SH2B2: variants seen among roughly 807,000 people sequenced by gnomAD.
SH2B2 encodes SH2B adaptor protein 2.
SH2B2 carries 37 observed loss-of-function variants against 35.7 expected under a neutral mutation model. That is an observed-to-expected ratio of 1.04 (90% CI 0.80 to 1.36). SH2B2 has a LOEUF of 1.36. Ranked by LOEUF, SH2B2 falls within the 40% of genes most tolerant of loss-of-function variation. The pLI is 0.00. For missense variants in SH2B2, 852 were observed against 817.7 expected (o/e 1.04, Z -0.51); for synonymous variants, 383 against 376.4 (o/e 1.02, Z -0.20).
intron 1 of SH2B2, among the ~76,000 whole-genome samples, chr7:102,300,236 A>G (rs149813884): frequency 0.027 from 4,067 of 152,246 alleles, 127 homozygotes; most frequent in African/African-American, 0.073. Flanking sequence ...CACCATGTTG[A>G]CCAGGCTGAT....
intron 7 of SH2B2, 145 bp downstream of exon 7, chr7:102,317,540 A>C: frequency 1.4e-6 from 1 of 710,418 alleles, no homozygotes; most frequent in Non-Finnish European, 2.2e-6. Flanking sequence ...CACTCACCCC[A>C]GCCATGCTCC....
intron 7 of SH2B2, among the ~76,000 whole-genome samples, chr7:102,318,157 T>G (rs1554557486): frequency 6.6e-6 from 1 of 152,144 alleles, no homozygotes; most frequent in East Asian, 1.9e-4. Flanking sequence ...TTGTTTTTTT[T>G]TGAGACAGTC....
chr7:102,298,194 A>G (rs782171151), intron 1 of SH2B2, among the ~76,000 whole-genome samples: 10 of 152,174 alleles, frequency 6.6e-5, no homozygotes, highest in East Asian at 1.9e-4. Context: ...TCTGACTGTA[A>G]TACGAACCAC....
At chr7:102,286,002 A>T (rs868969745), upstream of SH2B2, among the ~76,000 whole-genome samples, 17 of 152,194 alleles carry the variant, frequency 1.1e-4, no homozygotes, top group Middle Eastern at 0.01. Context: ...CCTCAGCACC[A>T]GGGGTCAGGC....
intron 6 of SH2B2, among the ~76,000 whole-genome samples, chr7:102,315,238 C>G (rs1554556750): frequency 6.6e-6 from 1 of 152,006 alleles, no homozygotes; most frequent in African/African-American, 2.4e-5. Flanking sequence ...GGTGCAGTGT[C>G]TCACACCTGT....
intron 7 of SH2B2, among the ~76,000 whole-genome samples, chr7:102,318,790 C>T (rs1197457053): frequency 2.0e-5 from 3 of 152,208 alleles, no homozygotes; most frequent in African/African-American, 7.2e-5. Context: ...GGGACATTTC[C>T]TTGGCAAGCA....
At chr7:102,293,117 C>T (rs1259235754) in intron 1 of SH2B2, 4 of 151,696 alleles carry the variant, frequency 2.6e-5, no homozygotes, top group Middle Eastern at 5.2e-4. Context: ...GGCGGGGCGG[C>T]GAGTCCGACT....
intron 1 of SH2B2, among the ~76,000 whole-genome samples, chr7:102,290,508 G>A (rs1283994535): frequency 3.9e-5 from 6 of 152,016 alleles, no homozygotes; most frequent in Admixed American, 2.0e-4. Context: ...CAAGTGATCC[G>A]CCCTCCTCGG....
In SH2B2 at chr7:102,296,524, G is replaced by C. The variant is rs531000385; in HGVS notation, c.-29-3998G>C. 3.6e-3 allele frequency among the ~76,000 whole-genome samples: 553 copies of C among 152,356 alleles called. 4 individuals carry two copies. Among genetic ancestry groups the C allele is most frequent in the Middle Eastern group, 0.014 (4 of 294 alleles). ...TTTCCCCCTGGCTTGGATGGGGGCT[G>C]TAAGCACACAGCAGGTTGGACCTGT... On this transcript the variant is annotated intron_variant, in intron 1 of 8. Transcript: ENST00000444095.
At chr7:102,314,292 C>T in intron 4 of SH2B2, 44 bp from the exon 5 acceptor site, 1 of 398,622 alleles carries the variant, frequency 2.5e-6, no homozygotes, top group Non-Finnish European at 4.4e-6. Flanking sequence ...GGTCCGAGTC[C>T]AAGTCCCACG....
Position 102,321,301 on chromosome 7 carries a change from C to T in SH2B2, c.1570C>T (p.Pro524Ser). The T allele has an allele frequency of 1.4e-6, 2 of 1,394,980 alleles. No individual in the cohort carries two copies. Among genetic ancestry groups the T allele is most frequent in the South Asian group, 1.5e-5 (1 of 65,374 alleles). The allele number at this position is 1,394,980 out of a possible 1,614,324, so 86.4% of individuals were successfully genotyped here. Residue 524 changes from proline to serine, a missense_variant and splice_region_variant, in exon 9 of 9, where the codon CCG (proline) becomes TCG (serine). Coordinates refer to ENST00000444095, the MANE Select transcript of SH2B2 (RefSeq NM_001359228.2). ...YVRAQDPPPE[P>S]GPTPPAAPAS... ...GCCCTGCCGTCGCCTTGTTGCAGAG[C>T]CGGGCCCCACGCCCCCTGCCGCGCC... is the stretch of plus-strand genomic sequence containing the variant.
intron 1 of SH2B2, among the ~76,000 whole-genome samples, chr7:102,287,340 G>A (rs970806109): frequency 1.3e-5 from 2 of 152,116 alleles, no homozygotes; most frequent in South Asian, 2.1e-4. Context: ...AGCCGCTGGA[G>A]GGGCCGAGCC....
At chr7:102,303,868 C>A (rs1439635500) in intron 2 of SH2B2, among the ~76,000 whole-genome samples, 2 of 152,102 alleles carry the variant, frequency 1.3e-5, no homozygotes, top group Admixed American at 1.3e-4. Flanking sequence ...GGTGCCCGCC[C>A]CCGCCCCACT....
Position 102,300,587 on chromosome 7 carries a change from C to T in SH2B2, c.37C>T (p.Pro13Ser). ...CGGCCCTGGCCCCGCCGCAGCCGCC[C>T]CGGTCCCAGTCCCGGTCCCGGTCCC... ...GAGPGPAAAA[P>S]VPVPVPVPDW... Residue 13 changes from proline (P) to serine (S), a missense_variant, in exon 2 of 9, where the codon CCG becomes TCG. Physicochemically the swap from Pro to Ser is moderately conservative, Grantham distance 74 (BLOSUM62 -1). Coordinates refer to ENST00000444095, the MANE Select transcript of SH2B2 (RefSeq NM_001359228.2). The T allele has an allele frequency of 6.5e-7, 1 of 1,549,876 alleles. No homozygotes were observed. The highest frequency in any genetic ancestry group is 8.7e-7 in the Non-Finnish European group (1 of 1,146,426).
intron 2 of SH2B2, among the ~76,000 whole-genome samples, chr7:102,305,021 G>A (rs1377180166): frequency 2.0e-5 from 3 of 152,210 alleles, no homozygotes; most frequent in African/African-American, 7.2e-5. Flanking sequence ...GAGGCAGAGC[G>A]AGTGGGGCCA....
rs1490257778 is a variant in SH2B2, at chr7:102,321,486, C to T, written c.1755C>T (p.Pro585=). 1.7e-6 allele frequency: 2 copies of T among 1,174,864 alleles called. No homozygotes were observed. Among genetic ancestry groups the T allele is most frequent in the African/African-American group, 1.6e-5 (1 of 61,464 alleles). 72.8% of individuals were successfully genotyped at this position (1,174,864 alleles called of 1,614,324 possible). A position where few individuals can be genotyped will look rare whatever the true frequency, so the allele number is the denominator to read the frequency against. ...CGTCGGGGCCCGCCCCCCCGCGCCC[C>T]GTCGAGGGCCAGCTCAGCGCGCGGA... The part of the protein sequence containing the change: ...SAASGPAPPR[P]VEGQLSARSR... Residue 585 remains proline, a synonymous_variant, in exon 9 of 9, where the codon CCC becomes CCT. Transcript: ENST00000444095.
intron 3 of SH2B2, 49 bp downstream of exon 3, chr7:102,306,871 C>T (rs1554555012): frequency 7.0e-7 from 1 of 1,434,560 alleles, no homozygotes; most frequent in East Asian, 2.5e-5. Context: ...CCCCAGGCCA[C>T]CTTCCCTTTA....
intron 7 of SH2B2, among the ~76,000 whole-genome samples, chr7:102,317,853 T>C (rs563535053): frequency 2.0e-5 from 3 of 152,052 alleles, no homozygotes; most frequent in Non-Finnish European, 4.4e-5. Flanking sequence ...CTGCCCAGGT[T>C]AGGTCACCAA....
In SH2B2 at chr7:102,300,628, C is replaced by G; in HGVS notation, c.78C>G (p.Phe26Leu). ...VPVPVPDWRQ[F>L]CELHAQAAAV... ...TCCCGGTCCCGGACTGGCGGCAGTT[C>G]TGCGAGCTGCATGCGCAGGCGGCCG... is the stretch of plus-strand genomic sequence containing the variant. Residue 26 changes from phenylalanine to leucine, a missense_variant, in exon 2 of 9, where the codon TTC becomes TTG. Physicochemically the swap from Phe to Leu is conservative, Grantham distance 22. This residue lies in a region of SH2B2 where 294 missense variants were observed against 286.6 expected (regional missense o/e 1.03). Transcript: ENST00000444095. 6.4e-7 allele frequency: 1 copy of G among 1,550,794 alleles called. No homozygotes were observed. Among genetic ancestry groups the G allele is most frequent in the Non-Finnish European group, 8.7e-7 (1 of 1,146,158 alleles).
Sources: allele counts gnomAD v4.1 joint callset (sites outside exome capture counted in the v4.1 genomes callset), GRCh38; gene constraint gnomAD v4.1.1; regional missense constraint gnomAD v4.1.1; transcripts MANE v1.5; gene names NCBI Gene and HGNC (gene_info 2026-07-23, HGNC 2026-07-21).